HELZ: variants seen among roughly 807,000 people sequenced by gnomAD.
HELZ encodes the protein ATP-dependent RNA helicase with zinc finger domain.
HELZ carries 23 observed loss-of-function variants against 218.2 expected under a neutral mutation model. The ratio of observed to expected loss-of-function variants is 0.11; its 90% CI spans 0.08 to 0.15. The LOEUF is 0.15. HELZ is among the 10% of genes least tolerant of loss of function. The probability of loss-of-function intolerance (pLI) is 1.00; values close to 1 mark genes in which losing one functional copy is unlikely to be tolerated. For synonymous variants in HELZ, 814 were observed against 829.4 expected (o/e 0.98, Z 0.32); for missense variants, 1,813 against 2,353.7 (o/e 0.77, Z 4.75).
rs8068960 is a variant in HELZ, at chr17:67,132,712, G to A, written c.3182+3258C>T. Among the ~76,000 whole-genome samples, 1,043 of 152,322 alleles carry A rather than the reference G, an allele frequency of 6.8e-3. 10 individuals are homozygous for A. The highest frequency in any genetic ancestry group is 0.024 in the African/African-American group (997 of 41,560). On this transcript the variant is annotated intron_variant, in intron 23 of 32. Coordinates refer to ENST00000358691, the MANE Select transcript of HELZ (RefSeq NM_014877.4). ...CTATTAATACTTCTTAGCTTGGTGA[G>A]AGAGGGGGAGGATCTTCACTATATC... is the stretch of plus-strand genomic sequence containing the variant.
intron 31 of HELZ, among the ~76,000 whole-genome samples, chr17:67,090,051 T>C (rs1290125897): frequency 6.6e-6 from 1 of 152,082 alleles, no homozygotes; most frequent in Non-Finnish European, 1.5e-5. Context: ...AGAATTGTTA[T>C]AGATGCCCTT....
chr17:67,204,375 C>T (rs924475361), intron 5 of HELZ, among the ~76,000 whole-genome samples: 1 of 152,134 alleles, frequency 6.6e-6, no homozygotes, highest in East Asian at 1.9e-4. Context: ...TTTTCACTTA[C>T]TCATTTTCTC....
chr17:67,181,371 T>C (rs1297629273), intron 12 of HELZ, among the ~76,000 whole-genome samples: 3 of 152,180 alleles, frequency 2.0e-5, no homozygotes, highest in Non-Finnish European at 4.4e-5. Flanking sequence ...TGCAGAAAGC[T>C]TTTCTACTCT....
intron 28 of HELZ, 81 bp downstream of exon 28, chr17:67,114,243 A>G (rs1411306201): frequency 3.2e-6 from 3 of 925,546 alleles, no homozygotes; most frequent in African/African-American, 3.3e-5. Flanking sequence ...AAAGGGAGGT[A>G]TTTTTCTTTA....
chr17:67,078,886 A>AT (rs1385506721), intron 32 of HELZ, among the ~76,000 whole-genome samples: 1 of 152,246 alleles, frequency 6.6e-6, no homozygotes, highest in Admixed American at 6.5e-5. Context: ...GTACACTTTG[A>AT]TATTTATTCT....
intron 31 of HELZ, among the ~76,000 whole-genome samples, chr17:67,099,690 C>G (rs2036862411): frequency 6.6e-6 from 1 of 152,092 alleles, no homozygotes. Context: ...AGATATACCT[C>G]TAATATATGA....
intron 8 of HELZ, 79 bp downstream of exon 8, chr17:67,195,340 G>A: frequency 1.2e-6 from 1 of 845,534 alleles, no homozygotes; most frequent in Admixed American, 1.9e-5. Context: ...CTGTAACTCA[G>A]TAAATTTTCT....
intron 27 of HELZ, among the ~76,000 whole-genome samples, chr17:67,117,552 CTT>C (rs35601947): frequency 7.7e-5 from 11 of 143,012 alleles, no homozygotes; most frequent in Admixed American, 2.8e-4. Context: ...ATACTGAAAA[CTT>C]TTTTTTTTTT....
At chr17:67,169,063 A>G (rs1459633411) in intron 13 of HELZ, among the ~76,000 whole-genome samples, 2 of 152,190 alleles carry the variant, frequency 1.3e-5, no homozygotes, top group Non-Finnish European at 2.9e-5. Flanking sequence ...ACTGCACTCC[A>G]GCCTGGGCAA....
At chr17:67,244,955 C>T in intron 1 of HELZ, 193 bp downstream of exon 1, 1 of 985,848 alleles carries the variant, frequency 1.0e-6, no homozygotes. Context: ...GTAAACAGCC[C>T]CAGCGTCCGG....
At chr17:67,094,609 T>C (rs973316932) in intron 31 of HELZ, among the ~76,000 whole-genome samples, 3 of 152,102 alleles carry the variant, frequency 2.0e-5, no homozygotes, top group South Asian at 2.1e-4. Context: ...AAGTGTGCAA[T>C]AGCATTGTAT....
chr17:67,244,572 G>A, intron 1 of HELZ: 4 of 962,314 alleles, frequency 4.2e-6, no homozygotes, highest in Non-Finnish European at 4.9e-6. Flanking sequence ...GAGCATTTCC[G>A]AGGAGGGGGC....
Position 67,122,940 on chromosome 17 carries a change from CAATAGAAAGTATTTCG to C in HELZ, c.3630+14_3630+29del, listed in dbSNP as rs755763415. On this transcript the variant is annotated intron_variant, in intron 26 of 32. Coordinates refer to ENST00000358691, the MANE Select transcript of HELZ (RefSeq NM_014877.4). Reference sequence around the variant, plus strand: ...TTAGTGAAACCTATTTTACTTGATTCAATAGAAAGTATTTCGAATGTCCACTTACAGGTAAAGGCAC... The same window carrying C: ...TTAGTGAAACCTATTTTACTTGATTCAATGTCCACTTACAGGTAAAGGCAC... The C allele has an allele frequency of 4.9e-5, 73 of 1,481,922 alleles. No individual in the cohort carries two copies. Among genetic ancestry groups the C allele is most frequent in the Non-Finnish European group, 6.6e-5 (71 of 1,075,110 alleles). 91.8% of individuals were successfully genotyped at this position (1,481,922 alleles called of 1,614,324 possible).
chr17:67,187,741 C>T (rs1479273420), intron 12 of HELZ, among the ~76,000 whole-genome samples: 2 of 152,130 alleles, frequency 1.3e-5, no homozygotes, highest in Non-Finnish European at 2.9e-5. Context: ...TGACAATGTA[C>T]AAAGTAATTC....
intron 32 of HELZ, among the ~76,000 whole-genome samples, chr17:67,080,319 G>A (rs922186545): frequency 2.6e-5 from 4 of 152,212 alleles, no homozygotes; most frequent in East Asian, 1.9e-4. Context: ...CCACTGAACC[G>A]TGTTTCTATT....
chr17:67,170,786 C>G (rs1278553353), intron 13 of HELZ, among the ~76,000 whole-genome samples: 1 of 149,236 alleles, frequency 6.7e-6, no homozygotes, highest in Non-Finnish European at 1.5e-5. Context: ...GAGATAGCGA[C>G]ACCGCACTCC....
chr17:67,123,651 A>G (rs1302268263), intron 25 of HELZ, among the ~76,000 whole-genome samples: 3 of 152,228 alleles, frequency 2.0e-5, no homozygotes, highest in Non-Finnish European at 4.4e-5. Flanking sequence ...GGACATAAAT[A>G]TTTTCTGAAA....
intron 31 of HELZ, among the ~76,000 whole-genome samples, chr17:67,093,968 A>C (rs1437466501): frequency 6.6e-6 from 1 of 152,120 alleles, no homozygotes; most frequent in Non-Finnish European, 1.5e-5. Flanking sequence ...TTTCCCTTAA[A>C]AGATACAGAC....
chr17:67,100,606 A>C (rs1325542696), intron 31 of HELZ, among the ~76,000 whole-genome samples: 2 of 152,224 alleles, frequency 1.3e-5, no homozygotes, highest in Non-Finnish European at 2.9e-5. Context: ...CACCAGTATC[A>C]ACATTGCTAC....
Sources: gnomAD v4.1 joint callset for allele counts (sites outside exome capture counted in the v4.1 genomes callset) on GRCh38, gnomAD v4.1.1 for gene constraint, MANE v1.5 for transcripts, NCBI Gene and HGNC (gene_info 2026-07-23, HGNC 2026-07-21) for gene names.